SYT16: variants seen among roughly 807,000 people sequenced by gnomAD.
SYT16 encodes synaptotagmin-16.
SYT16 carries 42 observed loss-of-function variants against 61.4 expected under a neutral mutation model. That is an observed-to-expected ratio of 0.68 (90% CI 0.53 to 0.89). SYT16 has a LOEUF of 0.89. Ranked by LOEUF, SYT16 falls within the 40% of genes least tolerant of loss-of-function variation. The probability of loss-of-function intolerance (pLI) is 0.00; values close to 1 mark genes in which losing one functional copy is unlikely to be tolerated. For missense variants in SYT16, 804 were observed against 807.3 expected, an observed-to-expected ratio of 1.00 and a Z score of 0.05; for synonymous variants, 314 against 302.3, an observed-to-expected ratio of 1.04 and a Z score of -0.40.
intron 1 of SYT16, among the ~76,000 whole-genome samples, chr14:61,906,434 C>T (rs187484953): frequency 6.6e-6 from 1 of 152,146 alleles, no homozygotes; most frequent in Non-Finnish European, 1.5e-5. Context: ...TCTTAGGGCT[C>T]TGTACTGTTT....
At chr14:62,026,133 G>C (rs1595189366) in intron 3 of SYT16, among the ~76,000 whole-genome samples, 1 of 152,046 alleles carries the variant, frequency 6.6e-6, no homozygotes, top group African/African-American at 2.4e-5. Flanking sequence ...GTAGCTCTTT[G>C]TCCCTGTCTT....
rs1566751979 is a variant in SYT16 at position 62,000,098 on chromosome 14, G to GGTTTTTTTTTTTTTTTTTTT, written c.523+3556_523+3557insGTTTTTTTTTTTTTTTTTTT. On this transcript the variant is annotated intron_variant, in intron 3 of 7. Coordinates refer to ENST00000683842, the MANE Select transcript of SYT16 (RefSeq NM_001367656.1). The stretch of plus-strand genomic sequence containing the variant: ...TTTTCTAATACTTATTTTGTCTCTC[G>GGTTTTTTTTTTTTTTTTTTT]ATTTTTTTTTTTTTTTTTTTTTTTT... Among the ~76,000 whole-genome samples, 8 of 35,520 alleles carry GGTTTTTTTTTTTTTTTTTTT rather than the reference G, an allele frequency of 2.3e-4. 1 individual carries two copies. The highest frequency in any genetic ancestry group is 3.7e-4 in the African/African-American group (2 of 5,372). 23.3% of individuals were successfully genotyped at this position (35,520 alleles called of 152,430 possible).
At chr14:61,984,744 G>A (rs948884687) in intron 2 of SYT16, among the ~76,000 whole-genome samples, 3 of 152,012 alleles carry the variant, frequency 2.0e-5, no homozygotes, top group Non-Finnish European at 4.4e-5. Context: ...CTAGCATTTT[G>A]GTTTAACTGA....
Position 62,083,699 on chromosome 14 carries a change from G to A in SYT16, c.1435-497G>A, listed in dbSNP as rs548209977. On this transcript the variant is annotated intron_variant, in intron 6 of 7. Coordinates refer to ENST00000683842, the MANE Select transcript of SYT16 (RefSeq NM_001367656.1). ...CCTTAAGCAGAACTAGGAGCCAAAT[G>A]TTCTATGTGGGGGTAGACGTCCAGT... Among the ~76,000 whole-genome samples, 5 of 152,288 alleles carry A rather than the reference G, an allele frequency of 3.3e-5. No homozygotes were observed. In the South Asian group the frequency reaches 1.0e-3, roughly 32 times the overall value.
intron 1 of SYT16, among the ~76,000 whole-genome samples, chr14:61,860,286 T>G (rs1039085144): frequency 6.6e-6 from 1 of 152,254 alleles, no homozygotes; most frequent in African/African-American, 2.4e-5. Context: ...TTAGTTTTCA[T>G]TTTTTGCAAA....
chr14:61,819,864 C>T (rs1171665050), intron 1 of SYT16, among the ~76,000 whole-genome samples: 1 of 152,174 alleles, frequency 6.6e-6, no homozygotes, highest in African/African-American at 2.4e-5. Flanking sequence ...TGTCTTATTC[C>T]ACTCTGAGGA....
At chr14:61,860,134 T>C (rs2046920338) in intron 1 of SYT16, among the ~76,000 whole-genome samples, 1 of 152,186 alleles carries the variant, frequency 6.6e-6, no homozygotes, top group South Asian at 2.1e-4. Context: ...TTGGAAAAAG[T>C]CACTCTAGGT....
chr14:61,869,285 C>T (rs2140301129), intron 1 of SYT16, among the ~76,000 whole-genome samples: 1 of 151,978 alleles, frequency 6.6e-6, no homozygotes, highest in South Asian at 2.1e-4. Context: ...GGATTTAAAC[C>T]TACCATTTTA....
chr14:61,828,475 T>C (rs915889345), intron 1 of SYT16, among the ~76,000 whole-genome samples: 4 of 152,216 alleles, frequency 2.6e-5, no homozygotes, highest in African/African-American at 9.7e-5. Flanking sequence ...ACAAGTTTTC[T>C]TAGTGTTCCT....
chr14:62,014,092 C>T (rs1487070810), intron 3 of SYT16, among the ~76,000 whole-genome samples: 1 of 152,184 alleles, frequency 6.6e-6, no homozygotes. Context: ...CTTCCTTTGC[C>T]CGTTCCTTAA....
At chr14:62,078,179 ACACAC>A (rs2056580826) in intron 5 of SYT16, among the ~76,000 whole-genome samples, 1 of 150,758 alleles carries the variant, frequency 6.6e-6, no homozygotes, top group Admixed American at 6.6e-5. Flanking sequence ...ATAAACACAC[ACACAC>A]ACACACACAC....
intron 7 of SYT16, among the ~76,000 whole-genome samples, chr14:62,087,908 A>G (rs1366849991): frequency 1.3e-5 from 2 of 152,032 alleles, no homozygotes; most frequent in Non-Finnish European, 2.9e-5. Flanking sequence ...TAGAAATGTG[A>G]GTCTCTGCCG....
intron 1 of SYT16, among the ~76,000 whole-genome samples, chr14:61,903,209 T>G (rs1021612781): frequency 9.2e-5 from 14 of 152,158 alleles, no homozygotes; most frequent in African/African-American, 3.4e-4. Flanking sequence ...GCGATGACCC[T>G]GTTTCCAAAT....
At chr14:61,819,514 T>C (rs2045549564) in intron 1 of SYT16, among the ~76,000 whole-genome samples, 1 of 152,244 alleles carries the variant, frequency 6.6e-6, no homozygotes, top group Non-Finnish European at 1.5e-5. Context: ...GAATATAATA[T>C]TCTTCTGGCG....
chr14:61,961,912 T>C (rs956709607), intron 1 of SYT16, among the ~76,000 whole-genome samples: 2 of 152,194 alleles, frequency 1.3e-5, no homozygotes, highest in African/African-American at 2.4e-5. Flanking sequence ...GTGGTACATA[T>C]ATGCTGTGGA....
intron 1 of SYT16, among the ~76,000 whole-genome samples, chr14:61,966,019 G>T (rs1219092200): frequency 1.3e-5 from 2 of 151,364 alleles, no homozygotes; most frequent in Non-Finnish European, 3.0e-5. Flanking sequence ...CTTATTTATG[G>T]AGCATTAAGG....
intron 7 of SYT16, among the ~76,000 whole-genome samples, chr14:62,096,174 T>TA (rs201683341): frequency 1.3e-5 from 2 of 152,026 alleles, no homozygotes; most frequent in East Asian, 3.9e-4. Context: ...GGGTTTCTTT[T>TA]AAAAAGCATC....
chr14:62,058,078 A>G (rs2055646196), intron 3 of SYT16, among the ~76,000 whole-genome samples: 1 of 151,986 alleles, frequency 6.6e-6, no homozygotes, highest in African/African-American at 2.4e-5. Context: ...TGCTTTTGAG[A>G]TTCATTCGTG....
intron 1 of SYT16, among the ~76,000 whole-genome samples, chr14:61,905,914 C>T (rs753577984): frequency 2.0e-5 from 3 of 152,132 alleles, no homozygotes; most frequent in Non-Finnish European, 2.9e-5. Context: ...TGTGCCACCA[C>T]GCCCAGCTAT....
Sources: allele counts gnomAD v4.1 joint callset (sites outside exome capture counted in the v4.1 genomes callset), GRCh38; gene constraint gnomAD v4.1.1; transcripts MANE v1.5; gene names NCBI Gene and HGNC (gene_info 2026-07-23, HGNC 2026-07-21).